XPR1: variants seen among roughly 807,000 people sequenced by gnomAD.
XPR1 encodes xenotropic and polytropic retrovirus receptor 1, also known as solute carrier family 53 member 1.
In XPR1, 28 loss-of-function variants were observed where a neutral mutation model predicts 87.5. That is an observed-to-expected ratio of 0.32 (90% CI 0.24 to 0.44). XPR1 has a LOEUF of 0.44. Among genes scored for constraint, XPR1 ranks in the 20% least tolerant of loss-of-function variants. XPR1 has a pLI of 1.00. For missense variants in XPR1, 559 were observed against 862.3 expected (o/e 0.65, Z 4.41); for synonymous variants, 300 against 306.1 (o/e 0.98, Z 0.21).
At chr1:180,819,037 C>G (rs1650515561) in intron 7 of XPR1, among the ~76,000 whole-genome samples, 1 of 152,138 alleles carries the variant, frequency 6.6e-6, no homozygotes, top group South Asian at 2.1e-4. Flanking sequence ...ACAGCCTAGA[C>G]CTCCTGGGCT....
chr1:180,648,553 C>T (rs1655192764), intron 1 of XPR1, among the ~76,000 whole-genome samples: 1 of 152,224 alleles, frequency 6.6e-6, no homozygotes, highest in Non-Finnish European at 1.5e-5. Context: ...ATTGCCCAGG[C>T]TGGAGTGCAG....
chr1:180,799,002 C>G (rs1649687055), intron 3 of XPR1, among the ~76,000 whole-genome samples: 1 of 152,154 alleles, frequency 6.6e-6, no homozygotes, highest in Admixed American at 6.6e-5. Context: ...CTTGTTGCTC[C>G]TATTATGTTT....
At chr1:180,749,039 A>G (rs977768362) in intron 2 of XPR1, among the ~76,000 whole-genome samples, 1 of 152,200 alleles carries the variant, frequency 6.6e-6, no homozygotes, top group Non-Finnish European at 1.5e-5. Flanking sequence ...TCTCTACTAA[A>G]AATTTTAAAA....
At chr1:180,758,114 TAC>T (rs71121050) in intron 2 of XPR1, among the ~76,000 whole-genome samples, 419 of 141,016 alleles carry the variant, frequency 3.0e-3, no homozygotes, top group East Asian at 8.2e-3. Flanking sequence ...TATAGAAGGA[TAC>T]ACACACACAC....
chr1:180,814,569 G>C (rs977780947), intron 7 of XPR1, among the ~76,000 whole-genome samples: 5 of 152,100 alleles, frequency 3.3e-5, no homozygotes. Context: ...TTGCAGGGTT[G>C]TTTAGGGTTC....
chr1:180,855,185 G>T (rs1651987557), intron 11 of XPR1, among the ~76,000 whole-genome samples: 1 of 151,984 alleles, frequency 6.6e-6, no homozygotes, highest in African/African-American at 2.4e-5. Flanking sequence ...ATGCTAGATA[G>T]AATACAATAT....
At chr1:180,864,011 A>G in intron 12 of XPR1, 137 bp downstream of exon 12, 1 of 658,468 alleles carries the variant, frequency 1.5e-6, no homozygotes, top group Non-Finnish European at 2.2e-6. Context: ...ATACTAATTC[A>G]TTCGGTCAGC....
chr1:180,849,668 T>C (rs1325260985), intron 11 of XPR1, among the ~76,000 whole-genome samples: 1 of 152,212 alleles, frequency 6.6e-6, no homozygotes, highest in African/African-American at 2.4e-5. Flanking sequence ...ATCTTAGCAG[T>C]CAAGTGATGA....
rs1379361888 is a variant in XPR1, at chr1:180,836,632, G to A, written c.1417G>A (p.Ala473Thr). ...GCGCCGATATCGAGACACAAAAAGG[G>A]CCTTTCCTCATTTAGTTAATGCTGG... ...CLRRYRDTKRAFPHLVNAGKY... is the reference protein window; with the variant it reads ...CLRRYRDTKRTFPHLVNAGKY... Residue 473 changes from alanine to threonine, a missense_variant, in exon 11 of 15, where the codon GCC becomes ACC. Physicochemically the swap from Ala to Thr is moderately conservative, Grantham distance 58. This residue lies in a region of XPR1 where 264 missense variants were observed against 377.2 expected (regional missense o/e 0.70). Transcript: ENST00000367590. 3 of 1,613,994 alleles carry A rather than the reference G, an allele frequency of 1.9e-6. No individual in the cohort carries two copies. Among genetic ancestry groups the A allele is most frequent in the African/African-American group, 2.7e-5 (2 of 74,910 alleles).
intron 11 of XPR1, among the ~76,000 whole-genome samples, chr1:180,850,961 TAAA>T (rs34627089): frequency 5.7e-4 from 79 of 139,280 alleles, no homozygotes; most frequent in Non-Finnish European, 5.3e-4. Context: ...CCTGTGTCTT[TAAA>T]AAAAAAAAAA....
intron 1 of XPR1, among the ~76,000 whole-genome samples, chr1:180,677,782 C>T (rs1302518642): frequency 6.6e-6 from 1 of 152,108 alleles, no homozygotes. Context: ...AACTACGTTC[C>T]TCCCAAAGTG....
intron 2 of XPR1, among the ~76,000 whole-genome samples, chr1:180,706,437 C>T: frequency 6.6e-6 from 1 of 152,194 alleles, no homozygotes; most frequent in Admixed American, 6.5e-5. Context: ...ATGCTCCCTT[C>T]TTCAGGAATA....
chr1:180,637,050 CAAAAAAA>C lies in XPR1; in HGVS notation c.69+4795_69+4801del, dbSNP rs34479247. The stretch of plus-strand genomic sequence containing the variant: ...CTGGCAACAGAGTAAGACTTCATCT[CAAAAAAA>C]AAAAAAAAAAAAAAGGAAAAGTAAG... On this transcript the variant is annotated intron_variant, in intron 1 of 14. Coordinates refer to ENST00000367590, the MANE Select transcript of XPR1 (RefSeq NM_004736.4). Among the ~76,000 whole-genome samples, 27 of 81,578 alleles carry C rather than the reference CAAAAAAA, an allele frequency of 3.3e-4. No homozygotes were observed. In the South Asian group the frequency reaches 5.5e-3, roughly 17 times the overall value. The allele number at this position is 81,578 out of a possible 152,430, so 53.5% of individuals were successfully genotyped here. A position where few individuals can be genotyped will look rare whatever the true frequency, so the allele number is the denominator to read the frequency against.
intron 2 of XPR1, among the ~76,000 whole-genome samples, chr1:180,690,278 A>G (rs1045510809): frequency 6.6e-5 from 10 of 152,184 alleles, no homozygotes; most frequent in African/African-American, 2.4e-4. Flanking sequence ...AAATTGATAT[A>G]AGGTGAATTT....
At chr1:180,877,128 C>T (rs538399458) in intron 13 of XPR1, among the ~76,000 whole-genome samples, 1 of 152,122 alleles carries the variant, frequency 6.6e-6, no homozygotes, top group South Asian at 2.1e-4. Context: ...CAGATATATA[C>T]CTAGGAATAG....
At chr1:180,697,297 C>T (rs1657203441) in intron 2 of XPR1, among the ~76,000 whole-genome samples, 1 of 152,016 alleles carries the variant, frequency 6.6e-6, no homozygotes. Flanking sequence ...GTTTGTATTT[C>T]TGTGGGATCA....
intron 12 of XPR1, 83 bp downstream of exon 12, chr1:180,863,957 C>G: frequency 9.1e-7 from 1 of 1,097,802 alleles, no homozygotes; most frequent in Non-Finnish European, 1.2e-6. Flanking sequence ...GACCCAACCT[C>G]TAATTATATT....
At chr1:180,685,884 C>G (rs1170380162) in intron 2 of XPR1, among the ~76,000 whole-genome samples, 1 of 151,980 alleles carries the variant, frequency 6.6e-6, no homozygotes, top group Admixed American at 6.6e-5. Flanking sequence ...CTCTTTTCTT[C>G]TTTATTAGTC....
rs1473032655 is a variant in XPR1 at position 180,880,161 on chromosome 1, GC to G, written c.1900del (p.Leu634Ter). The G allele has an allele frequency of 1.2e-6, 2 of 1,614,104 alleles. No homozygotes were observed. Among genetic ancestry groups the G allele is most frequent in the East Asian group, 2.2e-5 (1 of 44,890 alleles). On this transcript the variant is annotated frameshift_variant, in exon 14 of 15. Coordinates refer to ENST00000367590, the MANE Select transcript of XPR1 (RefSeq NM_004736.4). LOFTEE classifies it high-confidence loss of function. ...CCGTGCTGTGCGGGACATCTCTGTGGCCCCCCTGAACGCAGATGATCAGACT... is the reference window on the plus strand; with the variant it reads ...CCGTGCTGTGCGGGACATCTCTGTGGCCCCCTGAACGCAGATGATCAGACT... ...EFRAVRDISV[A>X]PLNADDQTLL...
Sources: gnomAD v4.1 joint callset for allele counts (sites outside exome capture counted in the v4.1 genomes callset) on GRCh38, gnomAD v4.1.1 for gene constraint, gnomAD v4.1.1 regional missense constraint, MANE v1.5 for transcripts, NCBI Gene and HGNC (gene_info 2026-07-23, HGNC 2026-07-21) for gene names.